Variants in MYOM3 observed in about 807,000 individuals in gnomAD.
MYOM3 encodes the protein myomesin 3.
In MYOM3, 155 loss-of-function variants were observed where a neutral mutation model predicts 191.7. That is an observed-to-expected ratio of 0.81 (90% CI 0.71 to 0.92). MYOM3 has a LOEUF of 0.92. Ranked by LOEUF, MYOM3 falls within the 40% of genes least tolerant of loss-of-function variation. The pLI is 0.00. For missense variants in MYOM3, 1,889 were observed against 1,890.6 expected, an observed-to-expected ratio of 1.00 and a Z score of 0.02; for synonymous variants, 757 against 762.9, an observed-to-expected ratio of 0.99 and a Z score of 0.13.
chr1:24,108,085 A>G lies in MYOM3; in HGVS notation c.162-12T>C. The G allele has an allele frequency of 6.2e-7, 1 of 1,612,776 alleles. No homozygotes were observed. The highest frequency in any genetic ancestry group is 1.7e-5 in the Admixed American group (1 of 59,864). ...CATGCTCTTCTTCGCTGCTCCCAGA[A>G]GGAGGGGAGTAAATGGCTCTTGCAG... On this transcript the variant is annotated splice_polypyrimidine_tract_variant and intron_variant, in intron 2 of 36. Transcript: ENST00000374434.
intron 1 of MYOM3, 131 bp from the exon 2 acceptor site, chr1:24,108,785 G>C: frequency 1.6e-6 from 1 of 636,466 alleles, no homozygotes; most frequent in South Asian, 2.3e-5. Context: ...GGCAGACAGG[G>C]AAACTGAGGT....
chr1:24,091,003 G>A lies in MYOM3; in HGVS notation c.1233-7C>T. On this transcript the variant is annotated splice_polypyrimidine_tract_variant and splice_region_variant and intron_variant, in intron 11 of 36. Transcript: ENST00000374434. ...CCCAGACTCGCCCTGGCACCTGTTG[G>A]AGACAGGCCCCCCCTTTCAGCCCCT... 1 of 1,612,676 alleles carries A rather than the reference G, an allele frequency of 6.2e-7. No individual in the cohort carries two copies. The highest frequency in any genetic ancestry group is 8.5e-7 in the Non-Finnish European group (1 of 1,179,826).
chr1:24,062,027 C>G lies in MYOM3; in HGVS notation c.3853G>C (p.Asp1285His). The G allele has an allele frequency of 1.2e-6, 2 of 1,614,214 alleles. No individual in the cohort carries two copies. Among genetic ancestry groups the G allele is most frequent in the Non-Finnish European group, 1.7e-6 (2 of 1,180,046 alleles). Residue 1285 changes from aspartate to histidine, a missense_variant, in exon 33 of 37, where the codon GAC becomes CAC. Coordinates refer to ENST00000374434, the MANE Select transcript of MYOM3 (RefSeq NM_152372.4). ...EIWLHILDPK[D>H]SDKGKYTLEI... ...AGAGTGTATTTGCCCTTGTCTGAGT[C>G]TTTGGGGTCCAGGATGTGAAGCCAG...
chr1:24,079,377 T>C (rs1462549258), intron 20 of MYOM3, among the ~76,000 whole-genome samples: 2 of 151,932 alleles, frequency 1.3e-5, no homozygotes, highest in African/African-American at 4.8e-5. Context: ...TTTTTTTTTT[T>C]TTCTAGAGAT....
intron 2 of MYOM3, 65 bp from the exon 3 acceptor site, chr1:24,108,138 G>T: frequency 6.8e-7 from 1 of 1,476,014 alleles, no homozygotes. Context: ...CTGAGATTAG[G>T]GCTGCATCTG....
chr1:24,091,455 G>T (rs962985822), intron 11 of MYOM3, among the ~76,000 whole-genome samples: 6 of 152,130 alleles, frequency 3.9e-5, no homozygotes, highest in African/African-American at 1.4e-4. Context: ...GTACCCTCTT[G>T]GTACCATTGT....
chr1:24,064,133 G>C lies in MYOM3; in HGVS notation c.3561C>G (p.Tyr1187Ter). Residue 1187 changes from tyrosine to a stop codon, truncating the protein, a stop_gained, in exon 30 of 37, where the codon TAC becomes TAG. Transcript: ENST00000374434. LOFTEE classifies it high-confidence loss of function. ...EELSKKDKGI[Y>*]RAMVSDDRGE... ...CTCGATCGTCAGAAACCATCGCTCT[G>C]TAAATTCCCTTGTCCTTTTTGGACA... is the stretch of plus-strand genomic sequence containing the variant. The C allele has an allele frequency of 6.2e-7, 1 of 1,613,966 alleles. No individual in the cohort carries two copies. The highest frequency in any genetic ancestry group is 8.5e-7 in the Non-Finnish European group (1 of 1,179,956).
chr1:24,082,276 C>G (rs1007818370), intron 17 of MYOM3, 88 bp from the exon 18 acceptor site: 9 of 1,200,962 alleles, frequency 7.5e-6, no homozygotes, highest in African/African-American at 1.5e-5. Context: ...CGAGCCTCCT[C>G]TAGTTGGTGC....
intron 9 of MYOM3, among the ~76,000 whole-genome samples, chr1:24,093,681 A>G (rs1643863890): frequency 6.6e-6 from 1 of 152,010 alleles, no homozygotes; most frequent in African/African-American, 2.4e-5. Context: ...CTGTGGGGCC[A>G]GCTCTTCTCT....
intron 12 of MYOM3, 48 bp downstream of exon 12, chr1:24,090,749 G>T: frequency 6.3e-7 from 1 of 1,588,204 alleles, no homozygotes; most frequent in Non-Finnish European, 8.6e-7. Flanking sequence ...AGTCCTGAGG[G>T]TTCCCTGACT....
chr1:24,062,147 T>A (rs1253334918), intron 32 of MYOM3, 38 bp from the exon 33 acceptor site: 5 of 1,609,482 alleles, frequency 3.1e-6, no homozygotes, highest in Non-Finnish European at 4.2e-6. Context: ...AGGCTGCCTG[T>A]CTGCAGGTCA....
At chr1:24,105,551 C>T (rs1643975070) in intron 5 of MYOM3, among the ~76,000 whole-genome samples, 2 of 152,226 alleles carry the variant, frequency 1.3e-5, no homozygotes, top group South Asian at 4.1e-4. Context: ...GCTGGCTCCC[C>T]AGGGGCCCAG....
rs529243830 is a variant in MYOM3, at chr1:24,103,083, T to C, written c.560+2837A>G. On this transcript the variant is annotated intron_variant, in intron 5 of 36. Coordinates refer to ENST00000374434, the MANE Select transcript of MYOM3 (RefSeq NM_152372.4). ...CTTGGCTTCTGCCACTTGTCAGGAA[T>C]GCTCAGCTCCCTGTTGTGGCAACCT... 1.1e-3 allele frequency among the ~76,000 whole-genome samples: 167 copies of C among 152,362 alleles called. 2 individuals are homozygous for C. The highest frequency in any genetic ancestry group is 3.9e-3 in the African/African-American group (163 of 41,590).
chr1:24,060,686 C>T (rs1474515577), intron 35 of MYOM3, among the ~76,000 whole-genome samples: 1 of 152,192 alleles, frequency 6.6e-6, no homozygotes, highest in Non-Finnish European at 1.5e-5. Context: ...TTTGGGGCTT[C>T]ATCCTGGATT....
chr1:24,066,750 C>T (rs562080907), intron 28 of MYOM3: 1 of 480,238 alleles, frequency 2.1e-6, no homozygotes. Context: ...GCTCCTAGAC[C>T]CCCTGACCCC....
Position 24,111,551 on chromosome 1 carries a change from A to T in MYOM3, c.-19+480T>A, listed in dbSNP as rs1197133690. Among the ~76,000 whole-genome samples the T allele has an allele frequency of 6.6e-6, 1 of 152,188 alleles. No individual in the cohort carries two copies. On this transcript the variant is annotated intron_variant, in intron 1 of 36. Transcript: ENST00000374434. The surrounding 1 kb of genome is among the most constrained non-coding windows in gnomAD (Gnocchi z 4.7). The stretch of plus-strand genomic sequence containing the variant: ...TCTGGGCCTCGGTTTCCTGTCAGGC[A>T]CTGGATGAAATCCCTTCCAGCTCTA...
chr1:24,064,185 G>T, intron 29 of MYOM3, 26 bp from the exon 30 acceptor site: 5 of 1,577,804 alleles, frequency 3.2e-6, no homozygotes, highest in Non-Finnish European at 4.3e-6. Context: ...AGCGATGGTG[G>T]TGTCAGCATG....
rs79521226 is a variant in MYOM3 at position 24,110,989 on chromosome 1, A to C, written c.-19+1042T>G. ...CCTGGATGCTCTGTTCCCGATTAGC[A>C]CAGCAGGCAGGGGCCTGGCGCTCGT... is the stretch of plus-strand genomic sequence containing the variant. On this transcript the variant is annotated intron_variant, in intron 1 of 36. Coordinates refer to ENST00000374434, the MANE Select transcript of MYOM3 (RefSeq NM_152372.4). Among the ~76,000 whole-genome samples, 1,392 of 152,340 alleles carry C rather than the reference A, an allele frequency of 9.1e-3. 18 individuals carry two copies. The highest frequency in any genetic ancestry group is 0.032 in the African/African-American group (1,331 of 41,582).
chr1:24,087,182 C>T lies in MYOM3; in HGVS notation c.1615-355G>A, dbSNP rs1643761150. On this transcript the variant is annotated intron_variant, in intron 14 of 36. Coordinates refer to ENST00000374434, the MANE Select transcript of MYOM3 (RefSeq NM_152372.4). This position sits in a 1 kb window ranked among gnomAD's most constrained non-coding sequence, Gnocchi z 4.5. ...GTGCTCCATGAATGAACCCAGTTGGCTCACCCTTCAAAATTTACCCAGAAA... is the reference window on the plus strand; with the variant it reads ...GTGCTCCATGAATGAACCCAGTTGGTTCACCCTTCAAAATTTACCCAGAAA... Among the ~76,000 whole-genome samples, 1 of 152,142 alleles carries T rather than the reference C, an allele frequency of 6.6e-6. No homozygotes were observed. Among genetic ancestry groups the T allele is most frequent in the Non-Finnish European group, 1.5e-5 (1 of 68,026 alleles).
Sources: allele counts gnomAD v4.1 joint callset (sites outside exome capture counted in the v4.1 genomes callset), GRCh38; gene constraint gnomAD v4.1.1; non-coding constraint Gnocchi (gnomAD v3.1); transcripts MANE v1.5; gene names NCBI Gene and HGNC (gene_info 2026-07-23, HGNC 2026-07-21).